R3HCC1L: variants seen among roughly 807,000 people sequenced by gnomAD.
R3HCC1L encodes coiled-coil domain-containing protein R3HCC1L.
R3HCC1L carries 51 observed loss-of-function variants against 59.9 expected under a neutral mutation model. The ratio of observed to expected loss-of-function variants is 0.85; its 90% CI spans 0.68 to 1.07. The LOEUF (loss-of-function observed/expected upper bound fraction) is 1.07. R3HCC1L is among the 50% of genes least tolerant of loss of function. R3HCC1L has a pLI of 0.00. For missense variants in R3HCC1L, 965 were observed against 933.0 expected, an observed-to-expected ratio of 1.03 and a Z score of -0.45; for synonymous variants, 322 against 315.2, an observed-to-expected ratio of 1.02 and a Z score of -0.23.
chr10:98,210,072 A>C (rs541552724), intron 5 of R3HCC1L, among the ~76,000 whole-genome samples, 173 bp downstream of exon 5: 1 of 152,274 alleles, frequency 6.6e-6, no homozygotes, highest in African/African-American at 2.4e-5. Context: ...AATAAAATAT[A>C]CAGAATTGAG....
intron 4 of R3HCC1L, among the ~76,000 whole-genome samples, chr10:98,184,952 C>A (rs1850070904): frequency 6.6e-6 from 1 of 152,130 alleles, no homozygotes. Context: ...TCCTGTCTTT[C>A]CTTAGATTTT....
chr10:98,178,545 G>A (rs1443712367), intron 4 of R3HCC1L, among the ~76,000 whole-genome samples: 11 of 152,188 alleles, frequency 7.2e-5, no homozygotes, highest in African/African-American at 2.6e-4. Flanking sequence ...TTGGCAATGC[G>A]GGCTCTTTTT....
At chr10:98,152,375 C>G (rs925502552) in intron 1 of R3HCC1L, among the ~76,000 whole-genome samples, 3 of 151,724 alleles carry the variant, frequency 2.0e-5, no homozygotes, top group Non-Finnish European at 4.4e-5. Context: ...CGGCCGCCAC[C>G]CCGTCTGGGA....
chr10:98,163,412 CT>C lies in R3HCC1L; in HGVS notation c.-15+17del. 7.7e-7 allele frequency: 1 copy of C among 1,294,788 alleles called. No individual in the cohort carries two copies. Among genetic ancestry groups the C allele is most frequent in the Non-Finnish European group, 1.0e-6 (1 of 964,692 alleles). The allele number at this position is 1,294,788 out of a possible 1,614,324, so 80.2% of individuals were successfully genotyped here. A position where few individuals can be genotyped will look rare whatever the true frequency, so the allele number is the denominator to read the frequency against. ...TTACTTACATGGTAAGTTGCCTTTA[CT>C]TATGCATATTTTATAGAAATACTGT... On this transcript the variant is annotated intron_variant, in intron 4 of 9. Transcript: ENST00000298999.
chr10:98,181,951 TC>T (rs1464099316), intron 4 of R3HCC1L, among the ~76,000 whole-genome samples: 1 of 152,214 alleles, frequency 6.6e-6, no homozygotes, highest in Non-Finnish European at 1.5e-5. Context: ...TGTGATGGGT[TC>T]AAACATCCTC....
intron 1 of R3HCC1L, among the ~76,000 whole-genome samples, chr10:98,147,250 C>G (rs889072188): frequency 3.3e-5 from 5 of 151,944 alleles, no homozygotes; most frequent in South Asian, 2.1e-4. Context: ...GTTTTTAAAT[C>G]AATCTGATTT....
Position 98,162,205 on chromosome 10 carries a change from A to G in R3HCC1L, c.-212-678A>G, listed in dbSNP as rs111905932. Among the ~76,000 whole-genome samples the G allele has an allele frequency of 9.8e-3, 1,485 of 152,050 alleles. 32 individuals carry two copies. The highest frequency in any genetic ancestry group is 0.034 in the African/African-American group (1,389 of 41,438). On this transcript the variant is annotated intron_variant, in intron 2 of 9. Transcript: ENST00000298999. Reference sequence around the variant, plus strand: ...TACCATAATTTATTTAACCTGGCTGATATTGGTGGACATTAAAGTTATTTA... The same window carrying G: ...TACCATAATTTATTTAACCTGGCTGGTATTGGTGGACATTAAAGTTATTTA...
chr10:98,209,500 G>A lies in R3HCC1L; in HGVS notation c.1386G>A (p.Leu462=), dbSNP rs1376355058. Reference sequence around the variant, plus strand: ...ATTTTACAGAGTCAACAGGAAAGTTGATAGAGAGCTTGTCAGATTGTGCTT... The same window carrying A: ...ATTTTACAGAGTCAACAGGAAAGTTAATAGAGAGCTTGTCAGATTGTGCTT... ...SSHFTESTGK[L]IESLSDCASS... Residue 462 remains leucine (L), a synonymous_variant, in exon 5 of 10, where the codon TTG becomes TTA. Coordinates refer to ENST00000298999, the MANE Select transcript of R3HCC1L (RefSeq NM_001351015.2). The A allele has an allele frequency of 3.1e-6, 5 of 1,613,770 alleles. No individual in the cohort carries two copies. The highest frequency in any genetic ancestry group is 4.2e-6 in the Non-Finnish European group (5 of 1,179,972).
At chr10:98,221,168 A>G (rs1854890521) in intron 5 of R3HCC1L, among the ~76,000 whole-genome samples, 1 of 151,370 alleles carries the variant, frequency 6.6e-6, no homozygotes, top group African/African-American at 2.4e-5. Flanking sequence ...TTGGCTGCAT[A>G]AATGTCTTCT....
intron 4 of R3HCC1L, among the ~76,000 whole-genome samples, chr10:98,203,514 A>T (rs192353199): frequency 6.6e-6 from 1 of 152,356 alleles, no homozygotes; most frequent in African/African-American, 2.4e-5. Flanking sequence ...TATGCTCATT[A>T]GGCAGTTTCT....
intron 4 of R3HCC1L, among the ~76,000 whole-genome samples, chr10:98,197,222 C>T (rs1450993455): frequency 1.3e-5 from 2 of 152,086 alleles, no homozygotes; most frequent in African/African-American, 2.4e-5. Context: ...CCCCTCCACC[C>T]CTTCCTATTC....
rs114483142 is a variant in R3HCC1L, at chr10:98,162,752, C to T, written c.-212-131C>T. ...TCATTCTGTCACCCAGGTTGGAGTG[C>T]AGTGGTGCCATCACAGCTTACTGCA... On this transcript the variant is annotated intron_variant, in intron 2 of 9. Transcript: ENST00000298999. 999 of 152,504 alleles carry T rather than the reference C, an allele frequency of 6.6e-3. 6 individuals carry two copies. Among genetic ancestry groups the T allele is most frequent in the African/African-American group, 0.023 (947 of 41,496 alleles). The allele number at this position is 152,504 out of a possible 1,614,324, so 9.4% of individuals were successfully genotyped here.
chr10:98,169,388 A>G (rs901719315), intron 4 of R3HCC1L, among the ~76,000 whole-genome samples: 10 of 152,212 alleles, frequency 6.6e-5, no homozygotes, highest in Non-Finnish European at 1.0e-4. Flanking sequence ...TAAAATTGGG[A>G]TAATCATAGC....
At chr10:98,238,291 A>G (rs906000494) in intron 9 of R3HCC1L, among the ~76,000 whole-genome samples, 2 of 152,210 alleles carry the variant, frequency 1.3e-5, no homozygotes, top group African/African-American at 4.8e-5. Flanking sequence ...TGTGCAGAGC[A>G]CTGTGTTCCC....
rs371360959 is a variant in R3HCC1L, at chr10:98,134,718, C to G, written c.-268+12C>G. ...GCAACAGCGCGCCGGTAACAACCAG[C>G]CCCGTATCCCCTCCCTCTGTACCTC... On this transcript the variant is annotated intron_variant, in intron 1 of 9. Transcript: ENST00000298999. 6.6e-6 allele frequency: 1 copy of G among 152,300 alleles called. No homozygotes were observed. Among genetic ancestry groups the G allele is most frequent in the African/African-American group, 2.4e-5 (1 of 41,474 alleles). 9.4% of individuals were successfully genotyped at this position (152,300 alleles called of 1,614,324 possible).
At chr10:98,142,633 G>C (rs1845262075) in intron 1 of R3HCC1L, among the ~76,000 whole-genome samples, 1 of 147,024 alleles carries the variant, frequency 6.8e-6, no homozygotes, top group African/African-American at 2.5e-5. Flanking sequence ...GTGAGACTCT[G>C]TCTCAAAAAA....
At chr10:98,167,820 T>G (rs1403036704) in intron 4 of R3HCC1L, among the ~76,000 whole-genome samples, 1 of 152,200 alleles carries the variant, frequency 6.6e-6, no homozygotes, top group Non-Finnish European at 1.5e-5. Context: ...AGTATTGTAG[T>G]TGGGATAAAA....
chr10:98,154,972 C>T (rs1846696756), intron 1 of R3HCC1L, among the ~76,000 whole-genome samples: 1 of 152,158 alleles, frequency 6.6e-6, no homozygotes, highest in Non-Finnish European at 1.5e-5. Flanking sequence ...TGTGTGTATA[C>T]ATCCCCCCAT....
At chr10:98,225,657 G>A (rs913625541) in intron 5 of R3HCC1L, among the ~76,000 whole-genome samples, 1 of 152,172 alleles carries the variant, frequency 6.6e-6, no homozygotes, top group African/African-American at 2.4e-5. Flanking sequence ...TTCATGAAAT[G>A]TAGAACAAGA....
Sources: gnomAD v4.1 joint callset for allele counts (sites outside exome capture counted in the v4.1 genomes callset) on GRCh38, gnomAD v4.1.1 for gene constraint, MANE v1.5 for transcripts, NCBI Gene and HGNC (gene_info 2026-07-23, HGNC 2026-07-21) for gene names.